The following RBFOX1 variants were observed in gnomAD, a reference collection of about 807,000 sequenced individuals.
The protein encoded by RBFOX1 is RNA binding fox-1 homolog 1, also known as RNA binding protein fox-1 homolog 1.
Under a neutral mutation model 57.7 loss-of-function variants are expected in RBFOX1, and 8 were observed. The ratio of observed to expected loss-of-function variants is 0.14; its 90% CI spans 0.08 to 0.25. The LOEUF (loss-of-function observed/expected upper bound fraction) is 0.25. Ranked by LOEUF, RBFOX1 falls within the 10% of genes least tolerant of loss-of-function variation. RBFOX1 has a pLI of 1.00. For synonymous variants in RBFOX1, 326 were observed against 222.4 expected (o/e 1.47, Z -4.15); for missense variants, 611 against 548.5 (o/e 1.11, Z -1.14).
At chr16:5,387,254 C>T (rs1043629884) in intron 1 of RBFOX1, among the ~76,000 whole-genome samples, 1 of 152,132 alleles carries the variant, frequency 6.6e-6, no homozygotes, top group Non-Finnish European at 1.5e-5. Flanking sequence ...GCAGTGTTCT[C>T]ATTTTCAGAA....
chr16:7,361,694 G>A (rs2097324670), intron 4 of RBFOX1, among the ~76,000 whole-genome samples: 1 of 152,220 alleles, frequency 6.6e-6, no homozygotes. Flanking sequence ...CTGCCTGGTA[G>A]TATGAGAATT....
rs565959599 is a variant in RBFOX1 at position 7,224,016 on chromosome 16, T to C, written c.27+171918T>C. ...ATAAGTACATAAGTAAAGTACATAT[T>C]ATTTATGCATATGTTGTATTTATGA... is the stretch of plus-strand genomic sequence containing the variant. On this transcript the variant is annotated intron_variant, in intron 4 of 15. Transcript: ENST00000550418. Among the ~76,000 whole-genome samples, 16 of 151,632 alleles carry C rather than the reference T, an allele frequency of 1.1e-4. 1 individual carries two copies. In the South Asian group the frequency reaches 3.3e-3, roughly 32 times the overall value.
intron 4 of RBFOX1, among the ~76,000 whole-genome samples, chr16:5,934,427 C>G (rs990164590): frequency 3.3e-5 from 5 of 152,240 alleles, no homozygotes; most frequent in African/African-American, 1.2e-4. Context: ...CTATTACTTT[C>G]TTTTAAAAAC....
intron 11 of RBFOX1, among the ~76,000 whole-genome samples, chr16:7,642,963 G>A (rs1050989786): frequency 6.6e-6 from 1 of 152,164 alleles, no homozygotes; most frequent in Admixed American, 6.5e-5. Flanking sequence ...CTGTGAGTAG[G>A]CAAATCACAA....
At chr16:7,622,754 T>A (rs2059504241) in intron 10 of RBFOX1, among the ~76,000 whole-genome samples, 1 of 152,272 alleles carries the variant, frequency 6.6e-6, no homozygotes, top group African/African-American at 2.4e-5. Context: ...AAAACATGAT[T>A]TGATTTATAA....
At chr16:7,644,979 G>A (rs1218444440) in intron 11 of RBFOX1, among the ~76,000 whole-genome samples, 1 of 152,138 alleles carries the variant, frequency 6.6e-6, no homozygotes, top group Non-Finnish European at 1.5e-5. Flanking sequence ...AAGTGAGGCT[G>A]GAGAAAAAAG....
chr16:5,409,556 A>G (rs553265587), intron 1 of RBFOX1, among the ~76,000 whole-genome samples: 2 of 152,324 alleles, frequency 1.3e-5, no homozygotes, highest in East Asian at 3.9e-4. Flanking sequence ...TTTTCTCTTC[A>G]TACTCAACAA....
chr16:6,666,703 G>A (rs1167991466), intron 3 of RBFOX1, among the ~76,000 whole-genome samples: 1 of 152,094 alleles, frequency 6.6e-6, no homozygotes, highest in Non-Finnish European at 1.5e-5. Flanking sequence ...TCCCTTCTGT[G>A]CTCCTCATGC....
chr16:7,419,983 C>A (rs1456143568), intron 4 of RBFOX1, among the ~76,000 whole-genome samples: 2 of 144,738 alleles, frequency 1.4e-5, no homozygotes, highest in African/African-American at 5.2e-5. Flanking sequence ...GTTTTAGAAC[C>A]CAGTTTGGGC....
chr16:5,944,206 G>A (rs1397074277), intron 4 of RBFOX1, among the ~76,000 whole-genome samples: 3 of 152,210 alleles, frequency 2.0e-5, no homozygotes, highest in African/African-American at 7.2e-5. Context: ...ATAAGATTGA[G>A]TTCTGAAGGA....
intron 3 of RBFOX1, among the ~76,000 whole-genome samples, chr16:5,615,580 C>A (rs984972749): frequency 2.0e-5 from 3 of 152,204 alleles, no homozygotes; most frequent in Admixed American, 2.0e-4. Context: ...GTGGGAGTCC[C>A]AGCTCCGTCC....
chr16:5,426,432 C>T (rs1002370736), intron 1 of RBFOX1, among the ~76,000 whole-genome samples: 1 of 152,176 alleles, frequency 6.6e-6, no homozygotes, highest in African/African-American at 2.4e-5. Flanking sequence ...TAAAACCGTA[C>T]CCAGCGTTTG....
chr16:7,643,161 C>A (rs2063136092), intron 11 of RBFOX1, among the ~76,000 whole-genome samples: 1 of 152,204 alleles, frequency 6.6e-6, no homozygotes, highest in Admixed American at 6.5e-5. Context: ...CTCAGAGACA[C>A]AAGGACCTTA....
At chr16:6,521,997 C>G (rs949094862) in intron 2 of RBFOX1, among the ~76,000 whole-genome samples, 5 of 152,136 alleles carry the variant, frequency 3.3e-5, no homozygotes, top group African/African-American at 1.2e-4. Flanking sequence ...GGTTATCGAC[C>G]AGCTTCTACA....
At chr16:5,310,628 G>A (rs797012394) in intron 1 of RBFOX1, among the ~76,000 whole-genome samples, 1 of 152,116 alleles carries the variant, frequency 6.6e-6, no homozygotes, top group Admixed American at 6.5e-5. Context: ...GGTTAGAATC[G>A]ATTCCCAATT....
chr16:5,618,340 T>G (rs56044698), intron 3 of RBFOX1, among the ~76,000 whole-genome samples: 108,957 of 143,956 alleles, frequency 0.76, 39,850 homozygotes, highest in Non-Finnish European at 0.8. Context: ...TTTTTTTTTT[T>G]TGTGTGTGTG....
chr16:6,415,104 G>C (rs868268809), intron 2 of RBFOX1, among the ~76,000 whole-genome samples: 3 of 151,714 alleles, frequency 2.0e-5, no homozygotes, highest in Non-Finnish European at 2.9e-5. Context: ...TTAGCTGGGC[G>C]TGGTGGCATG....
chr16:5,249,858 C>G (rs757722326), intron 1 of RBFOX1, among the ~76,000 whole-genome samples: 8 of 152,170 alleles, frequency 5.3e-5, no homozygotes, highest in Non-Finnish European at 1.2e-4. Context: ...ATTTGGGAGG[C>G]TGAGGCAAGA....
intron 3 of RBFOX1, among the ~76,000 whole-genome samples, chr16:7,019,432 AT>A (rs2094095020): frequency 6.6e-6 from 1 of 152,086 alleles, no homozygotes; most frequent in Admixed American, 6.6e-5. Context: ...GGGAGAGTGC[AT>A]TCATGCTGTT....
Sources: gnomAD v4.1 joint callset for allele counts (sites outside exome capture counted in the v4.1 genomes callset) on GRCh38, gnomAD v4.1.1 for gene constraint, MANE v1.5 for transcripts, NCBI Gene and HGNC (gene_info 2026-07-23, HGNC 2026-07-21) for gene names.